COL24A1: variants seen among roughly 807,000 people sequenced by gnomAD.
COL24A1 encodes the protein collagen type XXIV alpha 1 chain.
In COL24A1, 224 loss-of-function variants were observed where a neutral mutation model predicts 253.9. The observed-to-expected ratio is 0.88, with a 90% confidence interval of 0.79 to 0.99. The LOEUF is 0.99. Among genes scored for constraint, COL24A1 ranks in the 50% least tolerant of loss-of-function variants. The pLI, the probability that COL24A1 is intolerant of heterozygous loss-of-function variation, is 0.00. For missense variants in COL24A1, 2,131 were observed against 2,068.5 expected, an observed-to-expected ratio of 1.03 and a Z score of -0.59; for synonymous variants, 685 against 673.7, an observed-to-expected ratio of 1.02 and a Z score of -0.26.
chr1:86,001,606 T>G (rs1695414255), intron 19 of COL24A1, among the ~76,000 whole-genome samples: 2 of 152,306 alleles, frequency 1.3e-5, no homozygotes, highest in South Asian at 4.1e-4. Flanking sequence ...TGCAGTTAGC[T>G]CATAATCATT....
At chr1:85,796,783 A>G (rs1391817651) in intron 47 of COL24A1, among the ~76,000 whole-genome samples, 1 of 152,232 alleles carries the variant, frequency 6.6e-6, no homozygotes, top group African/African-American at 2.4e-5. Flanking sequence ...ATTCTTATAA[A>G]AACCATATGG....
intron 2 of COL24A1, among the ~76,000 whole-genome samples, chr1:86,132,802 T>G: frequency 6.6e-6 from 1 of 152,212 alleles, no homozygotes; most frequent in Non-Finnish European, 1.5e-5. Flanking sequence ...GGTAGTGTGA[T>G]GCCTCCAGCT....
chr1:85,761,568 T>C lies in COL24A1; in HGVS notation c.4375-2A>G, dbSNP rs1269262848. On this transcript the variant is annotated splice_acceptor_variant, in intron 53 of 59. Coordinates refer to ENST00000370571, the MANE Select transcript of COL24A1 (RefSeq NM_152890.7). LOFTEE classifies it high-confidence loss of function. Reference sequence around the variant, plus strand: ...TTGACCTCTTGGTCCTTGAGGACCCTGGAAGAAATGGAGACAAACACAAGA... The same window carrying C: ...TTGACCTCTTGGTCCTTGAGGACCCCGGAAGAAATGGAGACAAACACAAGA... 6.2e-7 allele frequency: 1 copy of C among 1,613,902 alleles called. No individual in the cohort carries two copies. Among genetic ancestry groups the C allele is most frequent in the Non-Finnish European group, 8.5e-7 (1 of 1,179,904 alleles).
chr1:85,974,873 A>G (rs1692508608), intron 20 of COL24A1, among the ~76,000 whole-genome samples: 1 of 152,206 alleles, frequency 6.6e-6, no homozygotes, highest in African/African-American at 2.4e-5. Context: ...TACCATCAGC[A>G]TCATAAGGTT....
At chr1:86,073,006 C>G (rs986955306) in intron 7 of COL24A1, among the ~76,000 whole-genome samples, 2 of 152,082 alleles carry the variant, frequency 1.3e-5, no homozygotes, top group African/African-American at 4.8e-5. Flanking sequence ...TAGATAAATC[C>G]ACAAAGATCA....
intron 35 of COL24A1, among the ~76,000 whole-genome samples, chr1:85,872,597 C>T (rs1431613280): frequency 6.6e-6 from 1 of 152,090 alleles, no homozygotes; most frequent in Non-Finnish European, 1.5e-5. Context: ...AAAGGATTCC[C>T]TATTTAGTAA....
At chr1:85,967,989 G>A (rs375799054) in intron 22 of COL24A1, among the ~76,000 whole-genome samples, 12 of 152,288 alleles carry the variant, frequency 7.9e-5, no homozygotes, top group South Asian at 2.1e-4. Context: ...AATCTAATAA[G>A]CTGCCAGTGA....
rs142958588 is a variant in COL24A1, at chr1:86,103,432, G to A, written c.1599+9135C>T. Among the ~76,000 whole-genome samples, 732 of 152,214 alleles carry A rather than the reference G, an allele frequency of 4.8e-3. 3 individuals are homozygous for A. The highest frequency in any genetic ancestry group is 0.01 in the Middle Eastern group (3 of 294). ...GATACTGTCTTCATGATGTTAGCTG[G>A]TTTTTATGCAGACTTGTTTGTGTGG... On this transcript the variant is annotated intron_variant, in intron 5 of 59. Coordinates refer to ENST00000370571, the MANE Select transcript of COL24A1 (RefSeq NM_152890.7).
chr1:85,965,793 G>A (rs28649612), intron 22 of COL24A1, among the ~76,000 whole-genome samples: 5,808 of 152,256 alleles, frequency 0.038, 185 homozygotes, highest in African/African-American at 0.079. Flanking sequence ...CCTGTGCACA[G>A]GCACTACAGC....
chr1:86,020,136 T>G (rs1274470403), intron 18 of COL24A1, among the ~76,000 whole-genome samples: 1 of 149,084 alleles, frequency 6.7e-6, no homozygotes, highest in African/African-American at 2.5e-5. Context: ...GGCGCAATCT[T>G]GACTTACTGC....
Position 86,017,165 on chromosome 1 carries a change from G to T in COL24A1, c.2296C>A (p.Pro766Thr). 1 of 1,591,960 alleles carries T rather than the reference G, an allele frequency of 6.3e-7. No homozygotes were observed. Among genetic ancestry groups the T allele is most frequent in the Non-Finnish European group, 8.5e-7 (1 of 1,172,290 alleles). ...CAATATTTTACCTCTGGTCCTGGAGGGCCAGATGGTCCTTGGAGTCCTGGG... is the reference window on the plus strand; with the variant it reads ...CAATATTTTACCTCTGGTCCTGGAGTGCCAGATGGTCCTTGGAGTCCTGGG... ...GDPGLQGPSG[P>T]PGPEGFPGDI... The change falls in exon 19 of 60, where the codon CCT (proline) becomes ACT (threonine). Residue 766 changes from proline (P) to threonine (T), a missense_variant. Physicochemically the swap from Pro to Thr is conservative, Grantham distance 38 (BLOSUM62 -1). Transcript: ENST00000370571.
intron 35 of COL24A1, among the ~76,000 whole-genome samples, chr1:85,870,873 C>T (rs911024659): frequency 2.0e-5 from 3 of 151,978 alleles, no homozygotes; most frequent in Non-Finnish European, 4.4e-5. Context: ...GAGATAGAGA[C>T]AGAAAAAACC....
chr1:85,996,397 T>G (rs900326762), intron 19 of COL24A1, among the ~76,000 whole-genome samples: 1 of 152,102 alleles, frequency 6.6e-6, no homozygotes, highest in Non-Finnish European at 1.5e-5. Context: ...TCAATTCGGC[T>G]GAGCACGGTG....
chr1:86,000,961 T>C (rs664412), intron 19 of COL24A1, among the ~76,000 whole-genome samples: 27,878 of 152,212 alleles, frequency 0.18, 3,271 homozygotes, highest in African/African-American at 0.33. Flanking sequence ...AAAACTGATA[T>C]GACTATGCTT....
intron 1 of COL24A1, among the ~76,000 whole-genome samples, chr1:86,151,184 T>A (rs918182053): frequency 3.3e-5 from 5 of 152,244 alleles, no homozygotes; most frequent in African/African-American, 1.2e-4. Context: ...TTTGGTCCAA[T>A]ACTATTTAAG....
At chr1:85,904,300 G>A (rs1470786932) in intron 28 of COL24A1, among the ~76,000 whole-genome samples, 1 of 152,098 alleles carries the variant, frequency 6.6e-6, no homozygotes, top group Non-Finnish European at 1.5e-5. Context: ...AAAAAGATGA[G>A]GTTAACTTCG....
intron 22 of COL24A1, among the ~76,000 whole-genome samples, chr1:85,965,934 G>T (rs1399348408): frequency 2.0e-5 from 3 of 152,120 alleles, no homozygotes; most frequent in Admixed American, 6.6e-5. Context: ...GTTGCAGTTA[G>T]GACTTTGACT....
intron 20 of COL24A1, among the ~76,000 whole-genome samples, chr1:85,980,637 G>A (rs1054097699): frequency 2.1e-4 from 32 of 152,028 alleles, no homozygotes; most frequent in African/African-American, 6.8e-4. Context: ...AGGCGGGTGC[G>A]GTGGCTCATG....
chr1:85,760,563 G>A (rs1393727611), intron 55 of COL24A1, among the ~76,000 whole-genome samples: 1 of 152,136 alleles, frequency 6.6e-6, no homozygotes, highest in Non-Finnish European at 1.5e-5. Context: ...TAGACCACAG[G>A]AAACCACCAC....
Sources: gnomAD v4.1 joint callset for allele counts (sites outside exome capture counted in the v4.1 genomes callset) on GRCh38, gnomAD v4.1.1 for gene constraint, MANE v1.5 for transcripts, NCBI Gene and HGNC (gene_info 2026-07-23, HGNC 2026-07-21) for gene names.